The following SP1 variants were observed in gnomAD, a reference collection of about 807,000 sequenced individuals.
SP1 encodes transcription factor Sp1.
In SP1, 6 loss-of-function variants were observed where a neutral mutation model predicts 66.3. The observed-to-expected ratio is 0.09, with a 90% CI of 0.05 to 0.18. The LOEUF is 0.18. Among genes scored for constraint, SP1 ranks in the 10% least tolerant of loss-of-function variants. The pLI is 1.00. For synonymous variants in SP1, 417 were observed against 360.8 expected (o/e 1.16, Z -1.77); for missense variants, 848 against 964.5 (o/e 0.88, Z 1.60).
intron 3 of SP1, among the ~76,000 whole-genome samples, chr12:53,391,710 A>G (rs1157684251): frequency 6.6e-6 from 1 of 151,408 alleles, no homozygotes; most frequent in Non-Finnish European, 1.5e-5. Context: ...GGGTCCGGTC[A>G]TGAGCATAGC....
At position 53,398,497 on chromosome 12, in the gene SP1, T is replaced by A. The variant is rs370746023; in HGVS notation, c.1676-8088T>A. On this transcript the variant is annotated intron_variant, in intron 3 of 5. Coordinates refer to ENST00000327443, the MANE Select transcript of SP1 (RefSeq NM_138473.3). ...AGGGTTTCACCATGTTGGCCAGGCTTGTCTCAAACTTGTGACCTCAAGTGA... is the reference window on the plus strand; with the variant it reads ...AGGGTTTCACCATGTTGGCCAGGCTAGTCTCAAACTTGTGACCTCAAGTGA... Among the ~76,000 whole-genome samples the A allele has an allele frequency of 2.9e-4, 44 of 152,266 alleles. No homozygotes were observed. The East Asian group carries it at 5.8e-3, about 20-fold the overall frequency.
At chr12:53,398,441 C>T (rs991746593) in intron 3 of SP1, among the ~76,000 whole-genome samples, 21 of 152,170 alleles carry the variant, frequency 1.4e-4, no homozygotes, top group African/African-American at 4.8e-4. Context: ...CACCACCACG[C>T]CTAGCTAATT....
intron 4 of SP1, among the ~76,000 whole-genome samples, chr12:53,408,245 C>CAAA (rs548495020): frequency 1.0e-5 from 1 of 97,700 alleles, no homozygotes; most frequent in Non-Finnish European, 2.1e-5. Context: ...GACTCTGTCT[C>CAAA]AAAAAAAAAA....
chr12:53,393,208 G>A (rs1024475044), intron 3 of SP1, among the ~76,000 whole-genome samples: 1 of 152,194 alleles, frequency 6.6e-6, no homozygotes, highest in Non-Finnish European at 1.5e-5. Context: ...CAGCACTTTC[G>A]GAGGTCGAGG....
At chr12:53,400,625 G>T (rs1178276583) in intron 3 of SP1, among the ~76,000 whole-genome samples, 4 of 151,996 alleles carry the variant, frequency 2.6e-5, no homozygotes, top group African/African-American at 2.4e-5. Flanking sequence ...ACAGAGCCTT[G>T]CTCCGTCGCC....
chr12:53,380,305 A>T lies in SP1; in HGVS notation c.7+7A>T. 1 of 1,440,942 alleles carries T rather than the reference A, an allele frequency of 6.9e-7. No individual in the cohort carries two copies. Among genetic ancestry groups the T allele is most frequent in the Non-Finnish European group, 9.3e-7 (1 of 1,075,076 alleles). The allele number at this position is 1,440,942 out of a possible 1,614,324, so 89.3% of individuals were successfully genotyped here. A position where few individuals can be genotyped will look rare whatever the true frequency, so the allele number is the denominator to read the frequency against. ...TCAGCTGCCACCATGAGCGGTAAGG[A>T]TGAGTCCACTCCAAGCTTAGGGGTG... On this transcript the variant is annotated splice_region_variant and intron_variant, in intron 1 of 5. Coordinates refer to ENST00000327443, the MANE Select transcript of SP1 (RefSeq NM_138473.3).
chr12:53,399,233 TA>T (rs1302247022), intron 3 of SP1, among the ~76,000 whole-genome samples: 1 of 152,260 alleles, frequency 6.6e-6, no homozygotes, highest in Non-Finnish European at 1.5e-5. Flanking sequence ...AATATTTGAT[TA>T]AACTTTTTTG....
At chr12:53,394,866 G>A (rs1310859254) in intron 3 of SP1, among the ~76,000 whole-genome samples, 3 of 151,368 alleles carry the variant, frequency 2.0e-5, no homozygotes, top group Non-Finnish European at 4.4e-5. Flanking sequence ...CACCCGCCTC[G>A]GCCTCCCAAA....
chr12:53,405,930 G>A (rs2683521), intron 3 of SP1, among the ~76,000 whole-genome samples: 87,948 of 151,266 alleles, frequency 0.58, 27,007 homozygotes, highest in East Asian at 0.9. Flanking sequence ...CAGCACATCA[G>A]TATGGCACAT....
At chr12:53,409,603 G>C (rs200538769) in intron 5 of SP1, 42 bp downstream of exon 5, 3 of 1,514,460 alleles carry the variant, frequency 2.0e-6, no homozygotes, top group East Asian at 2.3e-5. Context: ...TAATAGACTA[G>C]AATGAAAAAC....
chr12:53,408,628 C>T (rs1042432535), intron 4 of SP1, among the ~76,000 whole-genome samples: 9 of 147,054 alleles, frequency 6.1e-5, no homozygotes, highest in East Asian at 2.4e-4. Flanking sequence ...AAGGCTTGGC[C>T]GGGTGCGGTG....
At chr12:53,386,494 T>C (rs1360922647) in intron 3 of SP1, among the ~76,000 whole-genome samples, 1 of 144,892 alleles carries the variant, frequency 6.9e-6, no homozygotes, top group African/African-American at 2.7e-5. Context: ...TTTTTTTTTT[T>C]TTTTCATTTT....
chr12:53,384,479 T>G (rs1938181867), intron 3 of SP1, among the ~76,000 whole-genome samples: 1 of 151,414 alleles, frequency 6.6e-6, no homozygotes, highest in Non-Finnish European at 1.5e-5. Context: ...GAGACAAGGT[T>G]TTGCTATGTT....
At chr12:53,388,868 T>C (rs1938285486) in intron 3 of SP1, among the ~76,000 whole-genome samples, 2 of 151,564 alleles carry the variant, frequency 1.3e-5, no homozygotes, top group African/African-American at 4.9e-5. Flanking sequence ...TAGTCCCAGC[T>C]ACTTGGGAGG....
At chr12:53,391,547 T>C (rs1439148802) in intron 3 of SP1, among the ~76,000 whole-genome samples, 1 of 151,940 alleles carries the variant, frequency 6.6e-6, no homozygotes, top group Non-Finnish European at 1.5e-5. Flanking sequence ...ATGGTATCCA[T>C]CTCTTGACCT....
At chr12:53,399,723 C>T (rs538279433) in intron 3 of SP1, among the ~76,000 whole-genome samples, 5 of 152,010 alleles carry the variant, frequency 3.3e-5, no homozygotes, top group East Asian at 1.9e-4. Context: ...CCGCAACCTC[C>T]GCCTCCTGGG....
rs1347686776 is a variant in SP1 at position 53,411,422 on chromosome 12, G to A, written c.*182G>A. 1.9e-6 allele frequency: 1 copy of A among 529,192 alleles called. No individual in the cohort carries two copies. Among genetic ancestry groups the A allele is most frequent in the African/African-American group, 1.9e-5 (1 of 52,380 alleles). 32.8% of individuals were successfully genotyped at this position (529,192 alleles called of 1,614,324 possible). ...GTCCCGGCACCCATCTGTATCATCAGTGCCTCTTTGAAGGTGGGAAACATT... is the reference window on the plus strand; with the variant it reads ...GTCCCGGCACCCATCTGTATCATCAATGCCTCTTTGAAGGTGGGAAACATT... On this transcript the variant is annotated 3_prime_UTR_variant, in exon 6 of 6. Transcript: ENST00000327443.
At chr12:53,390,557 C>G (rs1938324398) in intron 3 of SP1, among the ~76,000 whole-genome samples, 1 of 152,084 alleles carries the variant, frequency 6.6e-6, no homozygotes, top group Non-Finnish European at 1.5e-5. Context: ...GCGGCGCGCA[C>G]CTGTAGTCCC....
chr12:53,395,209 G>A (rs1938458744), intron 3 of SP1, among the ~76,000 whole-genome samples: 1 of 152,014 alleles, frequency 6.6e-6, no homozygotes, highest in Admixed American at 6.6e-5. Flanking sequence ...ACTTGGTGGT[G>A]CGCGCCTTTA....
Sources: allele counts gnomAD v4.1 joint callset (sites outside exome capture counted in the v4.1 genomes callset), GRCh38; gene constraint gnomAD v4.1.1; transcripts MANE v1.5; gene names NCBI Gene and HGNC (gene_info 2026-07-23, HGNC 2026-07-21).